Variants in AMBRA1 observed in about 807,000 individuals in gnomAD.
AMBRA1 encodes activating molecule in BECN1-regulated autophagy protein 1.
Under a neutral mutation model 125.4 loss-of-function variants are expected in AMBRA1, and 47 were observed. The observed-to-expected ratio is 0.37, with a 90% CI of 0.30 to 0.48. The LOEUF (loss-of-function observed/expected upper bound fraction) is 0.48. AMBRA1 is among the 20% of genes least tolerant of loss of function. The pLI is 0.99. For synonymous variants in AMBRA1, 626 were observed against 655.5 expected, an observed-to-expected ratio of 0.95 and a Z score of 0.69; for missense variants, 1,331 against 1,693.4, an observed-to-expected ratio of 0.79 and a Z score of 3.76.
At chr11:46,408,918 G>C (rs1308708783) in intron 16 of AMBRA1, among the ~76,000 whole-genome samples, 1 of 152,202 alleles carries the variant, frequency 6.6e-6, no homozygotes, top group Non-Finnish European at 1.5e-5. Flanking sequence ...AACAATGAAA[G>C]GCCACAGAAA....
intron 1 of AMBRA1, among the ~76,000 whole-genome samples, chr11:46,582,522 T>C (rs1220361649): frequency 6.6e-6 from 1 of 152,216 alleles, no homozygotes; most frequent in Non-Finnish European, 1.5e-5. Context: ...TTTTCCACTC[T>C]AGTCTCACTA....
At chr11:46,517,856 ATACT>A (rs1366339736) in intron 7 of AMBRA1, among the ~76,000 whole-genome samples, 1 of 151,438 alleles carries the variant, frequency 6.6e-6, no homozygotes, top group Non-Finnish European at 1.5e-5. Flanking sequence ...AAAATGCCAA[ATACT>A]TAAAGAATAG....
intron 1 of AMBRA1, among the ~76,000 whole-genome samples, chr11:46,585,548 C>G (rs2044340795): frequency 6.9e-6 from 1 of 144,580 alleles, no homozygotes; most frequent in Non-Finnish European, 1.5e-5. Context: ...CGCCTGTAGT[C>G]CCAGCTACTC....
intron 9 of AMBRA1, among the ~76,000 whole-genome samples, chr11:46,502,776 G>T (rs998092997): frequency 4.6e-5 from 7 of 152,076 alleles, no homozygotes; most frequent in African/African-American, 1.7e-4. Flanking sequence ...ATATTAAATT[G>T]TGGGCCAGAT....
chr11:46,567,153 C>A (rs182060323), intron 1 of AMBRA1, among the ~76,000 whole-genome samples: 174 of 152,110 alleles, frequency 1.1e-3, no homozygotes, highest in Non-Finnish European at 2.0e-3. Flanking sequence ...CTTACTGCAG[C>A]CTCCGCTTTC....
chr11:46,489,132 T>C (rs111934995), intron 11 of AMBRA1, among the ~76,000 whole-genome samples: 2 of 152,244 alleles, frequency 1.3e-5, no homozygotes, highest in African/African-American at 4.8e-5. Context: ...TTGTTACATA[T>C]GTATACATGT....
intron 11 of AMBRA1, among the ~76,000 whole-genome samples, chr11:46,452,756 G>A (rs1948673163): frequency 6.6e-6 from 1 of 152,150 alleles, no homozygotes; most frequent in African/African-American, 2.4e-5. Context: ...CACAGTCAAT[G>A]TATCCTATAG....
rs1947661059 is a variant in AMBRA1, at chr11:46,435,164, C to T, written c.2633-127G>A. The T allele has an allele frequency of 3.6e-6, 3 of 823,836 alleles. No individual in the cohort carries two copies. In the South Asian group the frequency reaches 5.8e-5, roughly 16 times the overall value. The allele number at this position is 823,836 out of a possible 1,614,324, so 51.0% of individuals were successfully genotyped here. A position where few individuals can be genotyped will look rare whatever the true frequency, so the allele number is the denominator to read the frequency against. On this transcript the variant is annotated intron_variant, in intron 12 of 17. Coordinates refer to ENST00000683756, the MANE Select transcript of AMBRA1 (RefSeq NM_001387011.1). ...CTTGTCTAGAAATGCTAAAGAATAC[C>T]TTCTCATTCAAACTAAAATGTCAAA...
intron 14 of AMBRA1, among the ~76,000 whole-genome samples, chr11:46,425,563 TGGGCGC>T (rs1947085483): frequency 6.6e-6 from 1 of 152,086 alleles, no homozygotes; most frequent in Non-Finnish European, 1.5e-5. Context: ...GAAATGAGGC[TGGGCGC>T]GGTAGCTCAC....
chr11:46,437,227 G>C (rs983963730), intron 12 of AMBRA1, among the ~76,000 whole-genome samples: 4 of 152,098 alleles, frequency 2.6e-5, no homozygotes, highest in African/African-American at 9.7e-5. Flanking sequence ...TGGGCATATG[G>C]ACAAAAAGCA....
intron 7 of AMBRA1, 44 bp downstream of exon 7, chr11:46,541,901 G>C: frequency 6.3e-7 from 1 of 1,590,736 alleles, no homozygotes; most frequent in South Asian, 1.2e-5. Context: ...AATGATACAA[G>C]GAGAAAAGCA....
intron 1 of AMBRA1, among the ~76,000 whole-genome samples, chr11:46,592,261 G>A (rs922285275): frequency 2.0e-5 from 3 of 151,660 alleles, no homozygotes; most frequent in African/African-American, 2.4e-5. Context: ...TTCCAAGAAT[G>A]AAGTGACACA....
chr11:46,507,095 T>G (rs1173033987), intron 9 of AMBRA1, among the ~76,000 whole-genome samples: 19 of 134,082 alleles, frequency 1.4e-4, no homozygotes, highest in Non-Finnish European at 2.4e-4. Flanking sequence ...GAGAATGGCA[T>G]GAACCTGGGA....
chr11:46,548,018 G>T, intron 2 of AMBRA1, 143 bp from the exon 3 acceptor site: 2 of 1,212,526 alleles, frequency 1.6e-6, no homozygotes, highest in Admixed American at 2.2e-5. Flanking sequence ...GCTACAAATT[G>T]AGAGAGATAA....
chr11:46,471,533 G>GC (rs1803610406), intron 11 of AMBRA1, among the ~76,000 whole-genome samples: 1 of 151,478 alleles, frequency 6.6e-6, no homozygotes, highest in African/African-American at 2.4e-5. Context: ...AGCCGAGATC[G>GC]CCCCACTGCA....
At chr11:46,421,104 T>C (rs1590758748) in intron 14 of AMBRA1, among the ~76,000 whole-genome samples, 1 of 152,016 alleles carries the variant, frequency 6.6e-6, no homozygotes, top group Admixed American at 6.5e-5. Flanking sequence ...GGAACTTCCT[T>C]TGGGGACAAA....
rs1362361787 is a variant in AMBRA1, at chr11:46,494,182, G to A, written c.2362C>T (p.His788Tyr). The change falls in exon 10 of 18, where the codon CAC becomes TAC. Residue 788 changes from histidine (H) to tyrosine (Y), a missense_variant. Around this residue, in one of 4 missense-constraint regions of AMBRA1, gnomAD observed 689 missense variants for 776.5 expected, o/e 0.89. Coordinates refer to ENST00000683756, the MANE Select transcript of AMBRA1 (RefSeq NM_001387011.1). ...ATCCGGGCATTGCGTGGAGCTCGGT[G>A]CCTGGATCTGTCACCATTGTCCCTG... ...DFEDNGDRSRHRAPRNARMSA... is the reference protein window; with the variant it reads ...DFEDNGDRSRYRAPRNARMSA... 1 of 1,605,432 alleles carries A rather than the reference G, an allele frequency of 6.2e-7. No homozygotes were observed. The highest frequency in any genetic ancestry group is 1.7e-5 in the Admixed American group (1 of 59,068).
chr11:46,551,347 C>T (rs1565287139), intron 1 of AMBRA1, among the ~76,000 whole-genome samples: 1 of 151,808 alleles, frequency 6.6e-6, no homozygotes, highest in African/African-American at 2.4e-5. Flanking sequence ...GGGTATCACT[C>T]TATCACCCAG....
In AMBRA1 at chr11:46,424,223, A is replaced by G. The variant is rs140183115; in HGVS notation, c.2977-6171T>C. 4.6e-5 allele frequency among the ~76,000 whole-genome samples: 7 copies of G among 152,272 alleles called. No homozygotes were observed. In the East Asian group the frequency reaches 1.2e-3, roughly 25 times the overall value. On this transcript the variant is annotated intron_variant, in intron 14 of 17. Transcript: ENST00000683756. ...CCAAACCAAAGCTCTCTCCCAGCAG[A>G]AAAAAAGGGCAAACAGCAAACAGCC...
Sources: gnomAD v4.1 joint callset for allele counts (sites outside exome capture counted in the v4.1 genomes callset) on GRCh38, gnomAD v4.1.1 for gene constraint, gnomAD v4.1.1 regional missense constraint, MANE v1.5 for transcripts, NCBI Gene and HGNC (gene_info 2026-07-23, HGNC 2026-07-21) for gene names.